MSRA: variants seen among roughly 807,000 people sequenced by gnomAD.
MSRA encodes methionine sulfoxide reductase A.
Under a neutral mutation model 31.3 loss-of-function variants are expected in MSRA, and 54 were observed. That is an observed-to-expected ratio of 1.73 (90% CI 1.39 to 2.17). The LOEUF (loss-of-function observed/expected upper bound fraction) is 2.17. Ranked by LOEUF, MSRA falls within the 30% of genes most tolerant of loss-of-function variation. MSRA has a pLI of 0.00. For missense variants in MSRA, 507 were observed against 300.9 expected, an observed-to-expected ratio of 1.69 and a Z score of -5.07; for synonymous variants, 169 against 116.5, an observed-to-expected ratio of 1.45 and a Z score of -2.90.
At chr8:10,071,992 G>A (rs969015597) in intron 1 of MSRA, among the ~76,000 whole-genome samples, 12 of 152,130 alleles carry the variant, frequency 7.9e-5, no homozygotes, top group African/African-American at 1.4e-4. Context: ...GTGGCTGCCC[G>A]TACGGGGTGG....
chr8:10,292,542 C>A (rs1800297620), intron 3 of MSRA, among the ~76,000 whole-genome samples: 1 of 152,248 alleles, frequency 6.6e-6, no homozygotes, highest in African/African-American at 2.4e-5. Flanking sequence ...CACCGTCGGT[C>A]CTCTTCACAG....
intron 3 of MSRA, among the ~76,000 whole-genome samples, chr8:10,264,793 G>C (rs1264664876): frequency 6.6e-6 from 1 of 152,218 alleles, no homozygotes; most frequent in Non-Finnish European, 1.5e-5. Context: ...GAACTAACTT[G>C]AGAGCCCAAT....
At chr8:10,344,381 C>CT (rs1250889446) in intron 5 of MSRA, among the ~76,000 whole-genome samples, 4 of 151,576 alleles carry the variant, frequency 2.6e-5, no homozygotes, top group Non-Finnish European at 5.9e-5. Context: ...GAAGACCAGC[C>CT]TGGCCAAGAT....
At chr8:10,181,461 T>C (rs1456593920) in intron 1 of MSRA, among the ~76,000 whole-genome samples, 2 of 138,782 alleles carry the variant, frequency 1.4e-5, no homozygotes, top group Non-Finnish European at 3.1e-5. Context: ...AAAAAAACAA[T>C]GGGAGAGGAA....
chr8:10,301,431 G>A, intron 3 of MSRA, 103 bp from the exon 4 acceptor site: 1 of 805,014 alleles, frequency 1.2e-6, no homozygotes, highest in South Asian at 1.6e-5. Context: ...TCCTTCACAG[G>A]GTAGAGTTTC....
intron 3 of MSRA, among the ~76,000 whole-genome samples, chr8:10,264,586 T>C (rs1798648765): frequency 6.6e-6 from 1 of 152,142 alleles, no homozygotes; most frequent in African/African-American, 2.4e-5. Flanking sequence ...GAGCTGGCTG[T>C]CGGGAAGGGC....
At chr8:10,407,527 T>A (rs1205549630) in intron 5 of MSRA, among the ~76,000 whole-genome samples, 1 of 152,040 alleles carries the variant, frequency 6.6e-6, no homozygotes, top group East Asian at 1.9e-4. Context: ...GGCAATGAAA[T>A]GTGTAGCCTG....
At chr8:10,345,699 A>G (rs929958198) in intron 5 of MSRA, among the ~76,000 whole-genome samples, 8 of 152,242 alleles carry the variant, frequency 5.3e-5, no homozygotes, top group African/African-American at 1.7e-4. Flanking sequence ...TAATTACATT[A>G]TGAGAAGTGC....
At chr8:10,386,002 A>G (rs1335129136) in intron 5 of MSRA, among the ~76,000 whole-genome samples, 1 of 152,126 alleles carries the variant, frequency 6.6e-6, no homozygotes, top group Non-Finnish European at 1.5e-5. Context: ...TAACCCATTC[A>G]TTCAGACCCT....
At chr8:10,388,699 A>G (rs1291714247) in intron 5 of MSRA, among the ~76,000 whole-genome samples, 2 of 152,064 alleles carry the variant, frequency 1.3e-5, no homozygotes, top group African/African-American at 4.8e-5. Flanking sequence ...AAGTGGAGCT[A>G]ATATCATATT....
chr8:10,362,026 C>A (rs1412090491), intron 5 of MSRA, among the ~76,000 whole-genome samples: 1 of 152,072 alleles, frequency 6.6e-6, no homozygotes, highest in East Asian at 1.9e-4. Context: ...TCTTTTGGCC[C>A]CAAGGAAGCA....
At position 10,227,136 on chromosome 8, in the gene MSRA, G is replaced by C. The variant is rs570231558; in HGVS notation, c.212-17968G>C. ...TTCTGAGGAGAGCAGATAGTGAGTA[G>C]ATCCTAAAATGTGTTGAATGAGGAG... On this transcript the variant is annotated intron_variant, in intron 2 of 5. Transcript: ENST00000317173. Among the ~76,000 whole-genome samples, 6 of 152,318 alleles carry C rather than the reference G, an allele frequency of 3.9e-5. No homozygotes were observed. The East Asian group carries it at 1.2e-3, about 29-fold the overall frequency.
At chr8:10,067,431 G>T (rs181032480) in intron 1 of MSRA, among the ~76,000 whole-genome samples, 1 of 152,248 alleles carries the variant, frequency 6.6e-6, no homozygotes, top group East Asian at 1.9e-4. Flanking sequence ...GAATAAATAT[G>T]TGCATCACTT....
chr8:10,228,385 T>C (rs1172377980), intron 2 of MSRA, among the ~76,000 whole-genome samples: 1 of 152,150 alleles, frequency 6.6e-6, no homozygotes, highest in Non-Finnish European at 1.5e-5. Flanking sequence ...TTTATTGATA[T>C]CCAGTAAATG....
At chr8:10,413,015 T>G (rs1026917667) in intron 5 of MSRA, among the ~76,000 whole-genome samples, 5 of 152,178 alleles carry the variant, frequency 3.3e-5, no homozygotes, top group Non-Finnish European at 7.3e-5. Flanking sequence ...CAAAAACCCA[T>G]TCCCAAATGT....
chr8:10,397,860 A>G (rs73662826), intron 5 of MSRA, among the ~76,000 whole-genome samples: 2,803 of 152,214 alleles, frequency 0.018, 87 homozygotes, highest in African/African-American at 0.064. Context: ...TAAATTACCA[A>G]AAAAAAGGAG....
At chr8:10,060,404 A>C (rs964843755) in intron 1 of MSRA, among the ~76,000 whole-genome samples, 1 of 152,222 alleles carries the variant, frequency 6.6e-6, no homozygotes, top group South Asian at 2.1e-4. Flanking sequence ...AACAGAAGGG[A>C]AAATAATATG....
At chr8:10,135,093 G>GA (rs1802177393) in intron 1 of MSRA, among the ~76,000 whole-genome samples, 1 of 152,238 alleles carries the variant, frequency 6.6e-6, no homozygotes, top group South Asian at 2.1e-4. Flanking sequence ...AGATCAATGA[G>GA]AGAGGCACTG....
chr8:10,297,950 G>C (rs891667720), intron 3 of MSRA, among the ~76,000 whole-genome samples: 5 of 152,208 alleles, frequency 3.3e-5, no homozygotes, highest in African/African-American at 1.2e-4. Context: ...TACAGCCTGT[G>C]TGACATTTGT....
Sources: allele counts gnomAD v4.1 joint callset (sites outside exome capture counted in the v4.1 genomes callset), GRCh38; gene constraint gnomAD v4.1.1; transcripts MANE v1.5; gene names NCBI Gene and HGNC (gene_info 2026-07-23, HGNC 2026-07-21).